CSNK2A2IP: variants seen among roughly 807,000 people sequenced by gnomAD.
CSNK2A2IP encodes the protein casein kinase II subunit alpha'-interacting protein.
the CSNK2A2IP span, among the ~76,000 whole-genome samples, chr3:88,415,974 A>C: frequency 6.6e-6 from 1 of 151,976 alleles, no homozygotes; most frequent in Non-Finnish European, 1.5e-5. Context: ...TAGAAGGCTT[A>C]AATGAAAAAG....
At chr3:88,350,578 A>G in the CSNK2A2IP span, among the ~76,000 whole-genome samples, 1 of 132,558 alleles carries the variant, frequency 7.5e-6, no homozygotes, top group South Asian at 2.9e-4. Flanking sequence ...AAGGGAACAA[A>G]TACACTAAAT....
the CSNK2A2IP span, among the ~76,000 whole-genome samples, chr3:88,418,316 T>C: frequency 1.3e-5 from 2 of 152,172 alleles, no homozygotes; most frequent in Non-Finnish European, 2.9e-5. Flanking sequence ...GCAGTGAACA[T>C]ATTGCATGCC....
At chr3:88,406,263 G>T in the CSNK2A2IP span, among the ~76,000 whole-genome samples, 1 of 152,182 alleles carries the variant, frequency 6.6e-6, no homozygotes, top group African/African-American at 2.4e-5. Context: ...TCCAAAACTA[G>T]AAGCAAAATA....
the CSNK2A2IP span, among the ~76,000 whole-genome samples, chr3:88,377,960 T>C: frequency 6.6e-6 from 1 of 151,946 alleles, no homozygotes; most frequent in Non-Finnish European, 1.5e-5. Flanking sequence ...TTTTATGTGC[T>C]AATGAGATAT....
At chr3:88,458,599 A>C in the CSNK2A2IP span, among the ~76,000 whole-genome samples, 5 of 149,938 alleles carry the variant, frequency 3.3e-5, no homozygotes, top group African/African-American at 9.7e-5. Flanking sequence ...CTTCTACTTA[A>C]TTTTAGTTTA....
the CSNK2A2IP span, among the ~76,000 whole-genome samples, chr3:88,351,939 A>G: frequency 3.3e-5 from 5 of 152,228 alleles, no homozygotes; most frequent in East Asian, 3.9e-4. Flanking sequence ...GTCCCAAGCC[A>G]TAAGTATCCA....
the CSNK2A2IP span, among the ~76,000 whole-genome samples, chr3:88,362,088 G>A: frequency 6.6e-6 from 1 of 152,026 alleles, no homozygotes; most frequent in Non-Finnish European, 1.5e-5. Context: ...TGTCACTGAA[G>A]GCTTGATCAC....
At chr3:88,342,963 A>C in the CSNK2A2IP span, among the ~76,000 whole-genome samples, 1 of 151,986 alleles carries the variant, frequency 6.6e-6, no homozygotes, top group Non-Finnish European at 1.5e-5. Context: ...AATATTTACT[A>C]TTAATTTCTT....
the CSNK2A2IP span, among the ~76,000 whole-genome samples, chr3:88,375,984 C>T: frequency 2.0e-5 from 3 of 151,654 alleles, no homozygotes; most frequent in African/African-American, 4.8e-5. Flanking sequence ...GTGCTCAATC[C>T]TATTCAGATT....
the CSNK2A2IP span, among the ~76,000 whole-genome samples, chr3:88,406,205 A>G: frequency 4.3e-4 from 65 of 152,350 alleles, no homozygotes; most frequent in African/African-American, 1.5e-3. Context: ...ATAAATGGCT[A>G]TCATGATTAT....
chr3:88,422,322 G>A, the CSNK2A2IP span, among the ~76,000 whole-genome samples: 1 of 152,182 alleles, frequency 6.6e-6, no homozygotes, highest in Non-Finnish European at 1.5e-5. Context: ...CATGAGGATA[G>A]AGGGGATACC....
the CSNK2A2IP span, among the ~76,000 whole-genome samples, chr3:88,354,818 A>G: frequency 2.0e-5 from 3 of 151,928 alleles, no homozygotes; most frequent in Non-Finnish European, 2.9e-5. Flanking sequence ...ATGTGTGCAT[A>G]TACTATACTA....
At chr3:88,457,644 C>T in the CSNK2A2IP span, among the ~76,000 whole-genome samples, 1 of 150,498 alleles carries the variant, frequency 6.6e-6, no homozygotes, top group African/African-American at 2.5e-5. Context: ...TGCAGTGAGC[C>T]GAGATCGTGC....
the CSNK2A2IP span, among the ~76,000 whole-genome samples, chr3:88,399,179 T>A: frequency 6.6e-6 from 1 of 152,158 alleles, no homozygotes; most frequent in Non-Finnish European, 1.5e-5. Flanking sequence ...CTGAAAGCAT[T>A]TTGGAATTCA....
At chr3:88,446,034 CTTTCTTTCTT>C in the CSNK2A2IP span, among the ~76,000 whole-genome samples, 151 of 22,078 alleles carry the variant, frequency 6.8e-3, 8 homozygotes, top group African/African-American at 0.025. Flanking sequence ...TGTTTCTTTT[CTTTCTTTCTT>C]TCTTTCTTTC....
the CSNK2A2IP span, among the ~76,000 whole-genome samples, chr3:88,455,233 A>G: frequency 6.6e-6 from 1 of 151,978 alleles, no homozygotes; most frequent in South Asian, 2.1e-4. Context: ...GTATATACCT[A>G]GAAGTGGAAT....
the CSNK2A2IP span, among the ~76,000 whole-genome samples, chr3:88,398,892 A>G: frequency 1.3e-5 from 2 of 152,198 alleles, no homozygotes; most frequent in Non-Finnish European, 2.9e-5. Flanking sequence ...TCTTGCACAT[A>G]TTAATGCTCA....
At chr3:88,365,160 A>C in the CSNK2A2IP span, among the ~76,000 whole-genome samples, 1 of 152,212 alleles carries the variant, frequency 6.6e-6, no homozygotes, top group Non-Finnish European at 1.5e-5. Context: ...GAAATAGATC[A>C]AAATATACAA....
chr3:88,397,124 A>C, the CSNK2A2IP span, among the ~76,000 whole-genome samples: 4 of 152,160 alleles, frequency 2.6e-5, no homozygotes, highest in Non-Finnish European at 5.9e-5. Context: ...ATAAACATTT[A>C]CCGCCCAATA....
Sources: gnomAD v4.1 joint callset for allele counts (sites outside exome capture counted in the v4.1 genomes callset) on GRCh38, gnomAD v4.1.1 for gene constraint, MANE v1.5 for transcripts, NCBI Gene and HGNC (gene_info 2026-07-23, HGNC 2026-07-21) for gene names.